RGS6: variants seen among roughly 807,000 people sequenced by gnomAD.
RGS6 encodes the protein regulator of G-protein signaling 6.
A neutral mutation model predicts 78.5 loss-of-function variants in RGS6; 30 were observed. The observed-to-expected ratio is 0.38, with a 90% CI of 0.29 to 0.52. RGS6 has a LOEUF of 0.52. Ranked by LOEUF, RGS6 falls within the 20% of genes least tolerant of loss-of-function variation. The pLI, the probability that RGS6 is intolerant of heterozygous loss-of-function variation, is 0.85. For synonymous variants in RGS6, 206 were observed against 206.0 expected (o/e 1.00, Z 0.00); for missense variants, 495 against 609.7 (o/e 0.81, Z 1.98).
rs115204515 is a variant in RGS6, at chr14:72,280,590, C to T, written c.85-71505C>T. 6.9e-3 allele frequency among the ~76,000 whole-genome samples: 1,047 copies of T among 152,312 alleles called. 16 individuals are homozygous for T. Among genetic ancestry groups the T allele is most frequent in the African/African-American group, 0.024 (1,001 of 41,552 alleles). ...CTAACCTTATGCTAGGCACTATTCC[C>T]GGCACTAGGGACACAGAAATGAAGA... On this transcript the variant is annotated intron_variant, in intron 2 of 17. Transcript: ENST00000553525.
intron 2 of RGS6, among the ~76,000 whole-genome samples, chr14:72,214,398 A>G (rs2045033182): frequency 6.6e-6 from 1 of 152,102 alleles, no homozygotes. Flanking sequence ...TGTTTTAAAA[A>G]TAATCCTAGA....
At chr14:71,980,360 T>C (rs1320922637) in intron 2 of RGS6, among the ~76,000 whole-genome samples, 1 of 151,126 alleles carries the variant, frequency 6.6e-6, no homozygotes, top group African/African-American at 2.4e-5. Context: ...CTAGTCTCGA[T>C]GGTCTTTACA....
chr14:72,121,957 A>C (rs887214541), intron 2 of RGS6, among the ~76,000 whole-genome samples: 2 of 152,146 alleles, frequency 1.3e-5, no homozygotes, highest in Admixed American at 6.5e-5. Flanking sequence ...ACAGGGTGCT[A>C]CTGGCATCTG....
At chr14:72,382,291 C>T (rs942702653) in intron 3 of RGS6, among the ~76,000 whole-genome samples, 3 of 152,002 alleles carry the variant, frequency 2.0e-5, no homozygotes, top group Non-Finnish European at 4.4e-5. Context: ...AAACCATGAA[C>T]AAACATTTCA....
Position 72,476,825 on chromosome 14 carries a change from G to A in RGS6, c.777G>A (p.Glu259=). The part of the protein sequence containing the change: ...LSQPIRKTTK[E]DIRKQITFLN... Reference sequence around the variant, plus strand: ...AACCAATCAGGAAAACAACAAAAGAGGACATCCGGAAACAGGTGAATGAAT... The same window carrying A: ...AACCAATCAGGAAAACAACAAAAGAAGACATCCGGAAACAGGTGAATGAAT... Residue 259 remains glutamate (E), a synonymous_variant, in exon 11 of 18, where the codon GAG becomes GAA. Coordinates refer to ENST00000553525, the MANE Select transcript of RGS6 (RefSeq NM_001204424.2). 1.2e-6 allele frequency: 2 copies of A among 1,614,058 alleles called. No individual in the cohort carries two copies. Among genetic ancestry groups the A allele is most frequent in the Non-Finnish European group, 1.7e-6 (2 of 1,179,944 alleles).
chr14:71,924,364 C>T, the RGS6 span, among the ~76,000 whole-genome samples: 1,067 of 152,266 alleles, frequency 7.0e-3, 16 homozygotes, highest in African/African-American at 0.024. Context: ...TTAACATTTC[C>T]GTCACTTACC....
At chr14:72,145,844 T>A (rs919909492) in intron 2 of RGS6, among the ~76,000 whole-genome samples, 1 of 152,112 alleles carries the variant, frequency 6.6e-6, no homozygotes, top group Middle Eastern at 3.2e-3. Flanking sequence ...ACAGGAGATG[T>A]ATAGTAGAGG....
chr14:72,564,528 C>T lies in RGS6; in HGVS notation c.*2061C>T, dbSNP rs1004609757. ...GCCCCCAGCCTTGCCCAAGGATCCC[C>T]GGGCTGTGCTGACCCCTAGGCATAG... On this transcript the variant is annotated 3_prime_UTR_variant, in exon 18 of 18. Transcript: ENST00000553525. The T allele has an allele frequency of 5.3e-5, 8 of 152,284 alleles. No homozygotes were observed. The highest frequency in any genetic ancestry group is 1.9e-4 in the African/African-American group (8 of 41,450). 9.4% of individuals were successfully genotyped at this position (152,284 alleles called of 1,614,324 possible).
intron 3 of RGS6, among the ~76,000 whole-genome samples, chr14:72,430,593 A>C (rs1332806417): frequency 6.6e-6 from 1 of 152,194 alleles, no homozygotes; most frequent in Non-Finnish European, 1.5e-5. Context: ...GTACTCAGCA[A>C]AATTGCCACC....
chr14:72,440,280 C>T (rs1027177967), intron 3 of RGS6, among the ~76,000 whole-genome samples: 1 of 152,162 alleles, frequency 6.6e-6, no homozygotes, highest in Non-Finnish European at 1.5e-5. Context: ...ATTTATTTCT[C>T]CCTCCCCTGG....
At chr14:72,165,896 T>G (rs937811040) in intron 2 of RGS6, among the ~76,000 whole-genome samples, 1 of 152,212 alleles carries the variant, frequency 6.6e-6, no homozygotes, top group African/African-American at 2.4e-5. Context: ...AATATAACAA[T>G]GCACTGATAA....
At chr14:72,281,425 A>G (rs2061568523) in intron 2 of RGS6, among the ~76,000 whole-genome samples, 1 of 152,224 alleles carries the variant, frequency 6.6e-6, no homozygotes, top group African/African-American at 2.4e-5. Flanking sequence ...CTGGGATTAC[A>G]GGAATGAGCC....
rs934835367 is a variant in RGS6 at position 72,344,948 on chromosome 14, A to G, written c.85-7147A>G. ...AAGGTCTCGTGGTAGACAGTGTTAC[A>G]TGGTTAACCCCATTTCCATTCTCCT... is the stretch of plus-strand genomic sequence containing the variant. On this transcript the variant is annotated intron_variant, in intron 2 of 17. Coordinates refer to ENST00000553525, the MANE Select transcript of RGS6 (RefSeq NM_001204424.2). 4.6e-5 allele frequency among the ~76,000 whole-genome samples: 7 copies of G among 152,144 alleles called. No homozygotes were observed. The South Asian group carries it at 6.2e-4, about 14-fold the overall frequency.
intron 2 of RGS6, among the ~76,000 whole-genome samples, chr14:72,256,997 G>A (rs932565692): frequency 1.3e-5 from 2 of 152,236 alleles, no homozygotes; most frequent in African/African-American, 4.8e-5. Context: ...ACACCTGCAA[G>A]AGGAGTGCTT....
the RGS6 span, among the ~76,000 whole-genome samples, chr14:71,917,915 T>C: frequency 2.0e-5 from 3 of 152,230 alleles, no homozygotes; most frequent in East Asian, 5.8e-4. Flanking sequence ...GGCTCACGCC[T>C]GTAATCCCAC....
chr14:72,130,617 G>A (rs2096293796), intron 2 of RGS6, among the ~76,000 whole-genome samples: 1 of 152,186 alleles, frequency 6.6e-6, no homozygotes, highest in South Asian at 2.1e-4. Context: ...TAGGGACAAA[G>A]ACAAAATAGA....
chr14:72,385,528 T>A (rs2087683154), intron 3 of RGS6, among the ~76,000 whole-genome samples: 1 of 152,170 alleles, frequency 6.6e-6, no homozygotes, highest in Non-Finnish European at 1.5e-5. Flanking sequence ...GGCTGGTGAA[T>A]CAGTTCTGAA....
intron 12 of RGS6, among the ~76,000 whole-genome samples, chr14:72,480,320 A>G (rs762225501): frequency 6.6e-6 from 1 of 152,224 alleles, no homozygotes; most frequent in African/African-American, 2.4e-5. Context: ...AGAGAGTCCA[A>G]GGAATGGAGG....
At chr14:72,528,745 C>A (rs2097147678) in intron 15 of RGS6, among the ~76,000 whole-genome samples, 1 of 152,206 alleles carries the variant, frequency 6.6e-6, no homozygotes, top group South Asian at 2.1e-4. Context: ...CGCGGGCCAG[C>A]ACGCTTTTTC....
Sources: gnomAD v4.1 joint callset for allele counts (sites outside exome capture counted in the v4.1 genomes callset) on GRCh38, gnomAD v4.1.1 for gene constraint, MANE v1.5 for transcripts, NCBI Gene and HGNC (gene_info 2026-07-23, HGNC 2026-07-21) for gene names.